Variants in SPAG16 observed in about 807,000 individuals in gnomAD.
SPAG16 encodes sperm-associated antigen 16 protein.
SPAG16 carries 86 observed loss-of-function variants against 80.4 expected under a neutral mutation model. The observed-to-expected ratio is 1.07, with a 90% CI of 0.90 to 1.28. The LOEUF (loss-of-function observed/expected upper bound fraction) is 1.28. Ranked by LOEUF, SPAG16 falls within the 50% of genes most tolerant of loss-of-function variation. The pLI is 0.00. For missense variants in SPAG16, 870 were observed against 765.3 expected, an observed-to-expected ratio of 1.14 and a Z score of -1.61; for synonymous variants, 294 against 265.9, an observed-to-expected ratio of 1.11 and a Z score of -1.03.
chr2:213,731,445 C>A (rs1398585426), intron 10 of SPAG16, among the ~76,000 whole-genome samples: 6 of 149,038 alleles, frequency 4.0e-5, no homozygotes, highest in Non-Finnish European at 8.9e-5. Context: ...CAGGCGTGAG[C>A]CACCATGTCC....
chr2:213,988,195 AACAG>A lies in SPAG16; in HGVS notation c.1401-25750_1401-25747del, dbSNP rs1197514451. Among the ~76,000 whole-genome samples the A allele has an allele frequency of 2.6e-5, 4 of 152,096 alleles. No individual in the cohort carries two copies. In the South Asian group the frequency reaches 6.2e-4, roughly 24 times the overall value. ...CATGCTATGAGCACTTGATAAAGCT[AACAG>A]ACAGAAAGTCAGTAAAGATATAGAA... On this transcript the variant is annotated intron_variant, in intron 12 of 15. Coordinates refer to ENST00000331683, the MANE Select transcript of SPAG16 (RefSeq NM_024532.5).
chr2:213,642,917 C>T (rs549746622), intron 10 of SPAG16, among the ~76,000 whole-genome samples: 251 of 150,222 alleles, frequency 1.7e-3, no homozygotes, highest in Non-Finnish European at 2.9e-3. Flanking sequence ...CCTCAAACAT[C>T]GAACTCCACG....
chr2:213,707,293 A>C (rs563984491), intron 10 of SPAG16, among the ~76,000 whole-genome samples: 246 of 152,328 alleles, frequency 1.6e-3, no homozygotes, highest in African/African-American at 5.6e-3. Context: ...AATCATGTTC[A>C]AGCCATTAAA....
intron 10 of SPAG16, among the ~76,000 whole-genome samples, chr2:213,772,599 T>A (rs1292263004): frequency 6.6e-6 from 1 of 152,206 alleles, no homozygotes; most frequent in African/African-American, 2.4e-5. Context: ...TTCCATTGAC[T>A]GGTTAGTGCA....
intron 15 of SPAG16, among the ~76,000 whole-genome samples, chr2:214,317,682 A>G (rs2125988431): frequency 6.6e-6 from 1 of 152,342 alleles, no homozygotes; most frequent in South Asian, 2.1e-4. Flanking sequence ...GTTCTCTGTG[A>G]TTGTATCAGC....
chr2:213,753,548 T>G (rs900530269), intron 10 of SPAG16, among the ~76,000 whole-genome samples: 4 of 152,214 alleles, frequency 2.6e-5, no homozygotes, highest in Non-Finnish European at 4.4e-5. Context: ...ATTAAGACAT[T>G]AGTTTCATGT....
At chr2:213,476,192 A>T (rs930902437) in intron 9 of SPAG16, among the ~76,000 whole-genome samples, 1 of 152,266 alleles carries the variant, frequency 6.6e-6, no homozygotes, top group African/African-American at 2.4e-5. Flanking sequence ...AAGGGATAGA[A>T]GCCACAAGAG....
Position 213,578,048 on chromosome 2 carries a change from T to A in SPAG16, c.1070+87958T>A, listed in dbSNP as rs149860713. Among the ~76,000 whole-genome samples, 11 of 152,218 alleles carry A rather than the reference T, an allele frequency of 7.2e-5. 1 individual carries two copies. The highest frequency in any genetic ancestry group is 2.6e-4 in the African/African-American group (11 of 41,548). ...CTCTGTATAATCAAATGTCCACCTC[T>A]GTTCCAATACATTGTAGCAGAAGGA... On this transcript the variant is annotated intron_variant, in intron 10 of 15. Coordinates refer to ENST00000331683, the MANE Select transcript of SPAG16 (RefSeq NM_024532.5).
rs531778867 is a variant in SPAG16 at position 213,758,966 on chromosome 2, A to T, written c.1071-103519A>T. On this transcript the variant is annotated intron_variant, in intron 10 of 15. Coordinates refer to ENST00000331683, the MANE Select transcript of SPAG16 (RefSeq NM_024532.5). ...GAATAATCAGTAAGATTATCAGTAT[A>T]TTTCTCACCAGAAACGTTGCAGGCC... Among the ~76,000 whole-genome samples, 8 of 152,352 alleles carry T rather than the reference A, an allele frequency of 5.3e-5. No individual in the cohort carries two copies. The South Asian group carries it at 1.7e-3, about 32-fold the overall frequency.
chr2:213,596,030 C>G (rs1191387599), intron 10 of SPAG16, among the ~76,000 whole-genome samples: 1 of 152,012 alleles, frequency 6.6e-6, no homozygotes, highest in Non-Finnish European at 1.5e-5. Context: ...CTATTCAAGG[C>G]CAAATCACAA....
At chr2:213,837,942 T>C (rs1250999126) in intron 10 of SPAG16, among the ~76,000 whole-genome samples, 1 of 152,004 alleles carries the variant, frequency 6.6e-6, no homozygotes, top group Admixed American at 6.5e-5. Flanking sequence ...AGAAATGTAG[T>C]TCAGAATAAT....
intron 10 of SPAG16, among the ~76,000 whole-genome samples, chr2:213,730,116 C>T (rs1574965014): frequency 6.6e-6 from 1 of 152,146 alleles, no homozygotes. Context: ...ATCACTCATT[C>T]ACAGTTGATT....
At chr2:213,469,726 G>A (rs2072965778) in intron 9 of SPAG16, among the ~76,000 whole-genome samples, 1 of 151,916 alleles carries the variant, frequency 6.6e-6, no homozygotes, top group Non-Finnish European at 1.5e-5. Flanking sequence ...ATGCCCTAAT[G>A]GATCTCCTAT....
At chr2:213,812,222 AG>A (rs1222336702) in intron 10 of SPAG16, among the ~76,000 whole-genome samples, 2 of 152,214 alleles carry the variant, frequency 1.3e-5, no homozygotes, top group South Asian at 2.1e-4. Flanking sequence ...CCAGAGAAAA[AG>A]AGAAGGACCA....
intron 7 of SPAG16, among the ~76,000 whole-genome samples, chr2:213,358,988 A>G (rs2065828690): frequency 6.6e-6 from 1 of 152,028 alleles, no homozygotes; most frequent in South Asian, 2.1e-4. Flanking sequence ...TCTGTTTGTT[A>G]GTTTTCCTTC....
Position 213,929,944 on chromosome 2 carries a change from A to G in SPAG16, c.1215-16A>G, listed in dbSNP as rs1270568749. ...TACTTTTTAAACAAGCTGTCTTTTTATGTTTTTGCAAATAGTGGCGACAAA... is the reference window on the plus strand; with the variant it reads ...TACTTTTTAAACAAGCTGTCTTTTTGTGTTTTTGCAAATAGTGGCGACAAA... On this transcript the variant is annotated splice_polypyrimidine_tract_variant and intron_variant, in intron 11 of 15. Coordinates refer to ENST00000331683, the MANE Select transcript of SPAG16 (RefSeq NM_024532.5). The G allele has an allele frequency of 6.3e-7, 1 of 1,598,212 alleles. No homozygotes were observed. The highest frequency in any genetic ancestry group is 8.5e-7 in the Non-Finnish European group (1 of 1,171,646).
chr2:213,560,553 T>A (rs1174006499), intron 10 of SPAG16, among the ~76,000 whole-genome samples: 2 of 152,156 alleles, frequency 1.3e-5, no homozygotes, highest in Non-Finnish European at 2.9e-5. Context: ...AATGAAAGAT[T>A]CTCTAAATTT....
At chr2:213,759,592 A>G (rs2068537173) in intron 10 of SPAG16, among the ~76,000 whole-genome samples, 1 of 152,160 alleles carries the variant, frequency 6.6e-6, no homozygotes, top group African/African-American at 2.4e-5. Context: ...AGGATCTAAA[A>G]TATAATCCCT....
intron 14 of SPAG16, among the ~76,000 whole-genome samples, chr2:214,142,513 C>T (rs913201383): frequency 2.0e-5 from 3 of 152,088 alleles, no homozygotes; most frequent in African/African-American, 7.2e-5. Flanking sequence ...TTCTTTTCCT[C>T]TTTCTTTGTG....
Sources: gnomAD v4.1 joint callset for allele counts (sites outside exome capture counted in the v4.1 genomes callset) on GRCh38, gnomAD v4.1.1 for gene constraint, MANE v1.5 for transcripts, NCBI Gene and HGNC (gene_info 2026-07-23, HGNC 2026-07-21) for gene names.